The following SPSB1 variants were observed in gnomAD, a reference collection of about 807,000 sequenced individuals.
SPSB1 encodes the protein splA/ryanodine receptor domain and SOCS box containing 1, also known as SPRY domain-containing SOCS box protein 1.
Under a neutral mutation model 21.2 loss-of-function variants are expected in SPSB1, and 8 were observed. That is an observed-to-expected ratio of 0.38 (90% CI 0.22 to 0.68). The LOEUF (loss-of-function observed/expected upper bound fraction) is 0.68, where lower values mean the gene tolerates loss of function less well. Ranked by LOEUF, SPSB1 falls within the 30% of genes least tolerant of loss-of-function variation. The pLI, the probability that SPSB1 is intolerant of heterozygous loss-of-function variation, is 0.53. For synonymous variants in SPSB1, 169 were observed against 161.7 expected, an observed-to-expected ratio of 1.05 and a Z score of -0.34; for missense variants, 242 against 377.8, an observed-to-expected ratio of 0.64 and a Z score of 2.98.
At chr1:9,365,260 G>A (rs1640550594) in intron 2 of SPSB1, among the ~76,000 whole-genome samples, 1 of 152,102 alleles carries the variant, frequency 6.6e-6, no homozygotes, top group African/African-American at 2.4e-5. Flanking sequence ...CGATCCTCTC[G>A]CCTCAGTCTC....
At chr1:9,314,751 C>G (rs921006907) in intron 1 of SPSB1, among the ~76,000 whole-genome samples, 1 of 152,212 alleles carries the variant, frequency 6.6e-6, no homozygotes, top group Non-Finnish European at 1.5e-5. Flanking sequence ...GTGGCCATTT[C>G]TAGTGGCAAG....
chr1:9,357,827 C>T (rs761195965), intron 2 of SPSB1, among the ~76,000 whole-genome samples: 5 of 152,082 alleles, frequency 3.3e-5, no homozygotes, highest in Middle Eastern at 3.2e-3. Context: ...CGTTGCAGAA[C>T]GGCTCACCCC....
At chr1:9,337,303 A>G (rs1226342558) in intron 1 of SPSB1, among the ~76,000 whole-genome samples, 1 of 152,114 alleles carries the variant, frequency 6.6e-6, no homozygotes, top group Non-Finnish European at 1.5e-5. Flanking sequence ...GTTGGCCCTG[A>G]AGTCCCTCTA....
At chr1:9,316,744 C>T (rs925570203) in intron 1 of SPSB1, among the ~76,000 whole-genome samples, 7 of 152,206 alleles carry the variant, frequency 4.6e-5, no homozygotes, top group East Asian at 1.9e-4. Context: ...CAGGGGAGAC[C>T]GCCCCGGAAG....
At chr1:9,365,248 A>G (rs1640550196) in intron 2 of SPSB1, among the ~76,000 whole-genome samples, 1 of 152,034 alleles carries the variant, frequency 6.6e-6, no homozygotes, top group African/African-American at 2.4e-5. Context: ...CCTGGGCCCA[A>G]CCGATCCTCT....
chr1:9,298,623 G>A (rs1639266328), intron 1 of SPSB1, among the ~76,000 whole-genome samples: 1 of 152,154 alleles, frequency 6.6e-6, no homozygotes, highest in Non-Finnish European at 1.5e-5. Flanking sequence ...AGATTGTTCG[G>A]GGATAACTGG....
chr1:9,295,921 G>A (rs894669531), intron 1 of SPSB1, among the ~76,000 whole-genome samples: 4 of 152,156 alleles, frequency 2.6e-5, no homozygotes, highest in Non-Finnish European at 5.9e-5. Context: ...GTCAGGTACA[G>A]GTGTGCCTCA....
At position 9,305,586 on chromosome 1, in the gene SPSB1, G is replaced by A. The variant is rs1293491976; in HGVS notation, c.-150+12515G>A. Among the ~76,000 whole-genome samples, 1 of 152,206 alleles carries A rather than the reference G, an allele frequency of 6.6e-6. No homozygotes were observed. Among genetic ancestry groups the A allele is most frequent in the African/African-American group, 2.4e-5 (1 of 41,456 alleles). Reference sequence around the variant, plus strand: ...AGCTCGATGTGGGCCCAGGGTGTGGGTGCTGGGGGTGGGGACTCCCCGTCA... The same window carrying A: ...AGCTCGATGTGGGCCCAGGGTGTGGATGCTGGGGGTGGGGACTCCCCGTCA... On this transcript the variant is annotated intron_variant, in intron 1 of 2. Coordinates refer to ENST00000328089, the MANE Select transcript of SPSB1 (RefSeq NM_025106.4). The surrounding 1 kb of genome is among the most constrained non-coding windows in gnomAD (Gnocchi z 4.8).
At chr1:9,299,301 A>G (rs1325964217) in intron 1 of SPSB1, among the ~76,000 whole-genome samples, 1 of 152,104 alleles carries the variant, frequency 6.6e-6, no homozygotes, top group Non-Finnish European at 1.5e-5. Context: ...GCCCTATGTC[A>G]CAGTTTAGTT....
At chr1:9,353,432 A>G (rs1374521619) in intron 1 of SPSB1, among the ~76,000 whole-genome samples, 1 of 152,150 alleles carries the variant, frequency 6.6e-6, no homozygotes, top group African/African-American at 2.4e-5. Flanking sequence ...GAGGAGATGG[A>G]ACTAAAAGCT....
chr1:9,367,052 G>C lies in SPSB1; in HGVS notation c.695-396G>C, dbSNP rs1473932540. On this transcript the variant is annotated intron_variant, in intron 2 of 2. Coordinates refer to ENST00000328089, the MANE Select transcript of SPSB1 (RefSeq NM_025106.4). This position sits in a 1 kb window ranked among gnomAD's most constrained non-coding sequence, Gnocchi z 5.9. ...CTGGACAGGCAGAGTCACCAGTGGGGAAGAGCAGGGATCGCCTGGGTTCGA... is the reference window on the plus strand; with the variant it reads ...CTGGACAGGCAGAGTCACCAGTGGGCAAGAGCAGGGATCGCCTGGGTTCGA... 1.3e-5 allele frequency among the ~76,000 whole-genome samples: 2 copies of C among 152,250 alleles called. No individual in the cohort carries two copies. The highest frequency in any genetic ancestry group is 2.9e-5 in the Non-Finnish European group (2 of 68,046).
At chr1:9,329,475 G>T (rs535328181) in intron 1 of SPSB1, among the ~76,000 whole-genome samples, 10 of 152,082 alleles carry the variant, frequency 6.6e-5, no homozygotes, top group Admixed American at 6.5e-4. Context: ...GATGGGCATG[G>T]CCACCCATCA....
intron 2 of SPSB1, among the ~76,000 whole-genome samples, chr1:9,364,464 C>A (rs747109744): frequency 2.0e-5 from 3 of 152,202 alleles, no homozygotes; most frequent in Non-Finnish European, 4.4e-5. Flanking sequence ...GGGATGTGCT[C>A]CAGGTCAGGC....
At chr1:9,340,282 T>C (rs924606210) in intron 1 of SPSB1, among the ~76,000 whole-genome samples, 1 of 150,894 alleles carries the variant, frequency 6.6e-6, no homozygotes, top group African/African-American at 2.4e-5. Context: ...AGGAGGGGCC[T>C]GGGGGGGAAG....
At chr1:9,366,736 A>G (rs2100525814) in intron 2 of SPSB1, among the ~76,000 whole-genome samples, 1 of 152,006 alleles carries the variant, frequency 6.6e-6, no homozygotes, top group East Asian at 1.9e-4. Flanking sequence ...ACCACGCCCA[A>G]CTAATTTTTG....
At chr1:9,330,845 C>T (rs1288770497) in intron 1 of SPSB1, among the ~76,000 whole-genome samples, 1 of 152,086 alleles carries the variant, frequency 6.6e-6, no homozygotes, top group East Asian at 1.9e-4. Flanking sequence ...CCTACTGTGT[C>T]CAGCGGCTGT....
chr1:9,297,036 C>T (rs1639236196), intron 1 of SPSB1, among the ~76,000 whole-genome samples: 1 of 152,188 alleles, frequency 6.6e-6, no homozygotes, highest in Non-Finnish European at 1.5e-5. Context: ...TCCGCCAAGG[C>T]ACAGCCCAGC....
chr1:9,319,151 A>C (rs1639664175), intron 1 of SPSB1, among the ~76,000 whole-genome samples: 1 of 152,156 alleles, frequency 6.6e-6, no homozygotes, highest in Non-Finnish European at 1.5e-5. Context: ...ACTGCACTCT[A>C]GCCTGGGCAA....
chr1:9,301,943 G>A lies in SPSB1; in HGVS notation c.-150+8872G>A, dbSNP rs11805596. Among the ~76,000 whole-genome samples, 292 of 152,298 alleles carry A rather than the reference G, an allele frequency of 1.9e-3. 4 individuals are homozygous for A. Among genetic ancestry groups the A allele is most frequent in the African/African-American group, 6.5e-3 (270 of 41,554 alleles). On this transcript the variant is annotated intron_variant, in intron 1 of 2. Transcript: ENST00000328089. The stretch of plus-strand genomic sequence containing the variant: ...TTCTGGATACAGATTCGTCTTCCCT[G>A]CACACAGTGCTTCTGCCAAAGTCAC...
Sources: gnomAD v4.1 joint callset for allele counts (sites outside exome capture counted in the v4.1 genomes callset) on GRCh38, gnomAD v4.1.1 for gene constraint, Gnocchi (gnomAD v3.1) non-coding constraint, MANE v1.5 for transcripts, NCBI Gene and HGNC (gene_info 2026-07-23, HGNC 2026-07-21) for gene names.